Variants in RIPOR2 observed in about 807,000 individuals in gnomAD.
The protein encoded by RIPOR2 is RHO family interacting cell polarization regulator 2, also known as rho family-interacting cell polarization regulator 2.
In RIPOR2, 39 loss-of-function variants were observed where a neutral mutation model predicts 114.5. The observed-to-expected ratio is 0.34, with a 90% confidence interval of 0.26 to 0.44. The LOEUF (loss-of-function observed/expected upper bound fraction) is 0.44. Among genes scored for constraint, RIPOR2 ranks in the 20% least tolerant of loss-of-function variants. The pLI, the probability that RIPOR2 is intolerant of heterozygous loss-of-function variation, is 1.00. For synonymous variants in RIPOR2, 445 were observed against 484.4 expected (o/e 0.92, Z 1.07); for missense variants, 1,007 against 1,255.1 (o/e 0.80, Z 2.99).
chr6:25,015,001 A>G (rs1160171638), intron 1 of RIPOR2: 1 of 151,936 alleles, frequency 6.6e-6, no homozygotes, highest in Admixed American at 6.6e-5. Context: ...ATGCAGAGAC[A>G]GTTATGTGTC....
intron 7 of RIPOR2, among the ~76,000 whole-genome samples, chr6:24,864,366 C>T (rs141903996): frequency 6.6e-6 from 1 of 152,204 alleles, no homozygotes; most frequent in African/African-American, 2.4e-5. Flanking sequence ...AAAGGAGGAA[C>T]TTAGGTAAAG....
chr6:24,823,017 G>A (rs1164230031), intron 19 of RIPOR2, among the ~76,000 whole-genome samples: 1 of 152,176 alleles, frequency 6.6e-6, no homozygotes, highest in East Asian at 1.9e-4. Flanking sequence ...AATTAAAGAA[G>A]CAACCACATC....
intron 1 of RIPOR2, chr6:24,976,624 G>C: frequency 6.2e-7 from 1 of 1,609,352 alleles, no homozygotes; most frequent in Non-Finnish European, 8.5e-7. Flanking sequence ...GAAAGGATTT[G>C]GTTATAAGGG....
chr6:24,834,889 G>A (rs1760992988), intron 15 of RIPOR2, among the ~76,000 whole-genome samples: 1 of 152,178 alleles, frequency 6.6e-6, no homozygotes, highest in Non-Finnish European at 1.5e-5. Context: ...CTCCCAAAGT[G>A]CTGGGACTAT....
chr6:24,858,060 C>T lies in RIPOR2; in HGVS notation c.715+2913G>A, dbSNP rs182150809. On this transcript the variant is annotated intron_variant, in intron 8 of 21. Coordinates refer to ENST00000643898, the MANE Select transcript of RIPOR2 (RefSeq NM_001286445.3). The surrounding 1 kb of genome is among the most constrained non-coding windows in gnomAD (Gnocchi z 4.0). Reference sequence around the variant, plus strand: ...CTGGGATGCCTTCCTCTTTCCTGCTCCTCTCCCCAACTAGAGAGGTGAGTG... The same window carrying T: ...CTGGGATGCCTTCCTCTTTCCTGCTTCTCTCCCCAACTAGAGAGGTGAGTG... 7.7e-4 allele frequency among the ~76,000 whole-genome samples: 118 copies of T among 152,266 alleles called. No individual in the cohort carries two copies. In the Middle Eastern group the frequency reaches 0.014, roughly 18 times the overall value.
intron 1 of RIPOR2, chr6:25,023,384 T>C: frequency 1.3e-6 from 1 of 780,380 alleles, no homozygotes; most frequent in Admixed American, 1.7e-5. Flanking sequence ...CTCCTCGTTG[T>C]AGGGAGAGAG....
At chr6:25,010,104 T>C (rs1211383995) in intron 1 of RIPOR2, among the ~76,000 whole-genome samples, 1 of 152,222 alleles carries the variant, frequency 6.6e-6, no homozygotes, top group African/African-American at 2.4e-5. Flanking sequence ...TAATTCTTTT[T>C]AATGTTTGCT....
chr6:24,968,510 G>C (rs960459431), intron 1 of RIPOR2, among the ~76,000 whole-genome samples: 15 of 152,096 alleles, frequency 9.9e-5, no homozygotes, highest in African/African-American at 3.4e-4. Context: ...ACTAACCAGC[G>C]GTTCTTAGCT....
chr6:24,830,518 C>A lies in RIPOR2; in HGVS notation c.2497G>T (p.Ala833Ser). 1.3e-6 allele frequency: 2 copies of A among 1,550,412 alleles called. No individual in the cohort carries two copies. The highest frequency in any genetic ancestry group is 1.7e-6 in the Non-Finnish European group (2 of 1,146,754). Reference sequence around the variant, plus strand: ...TACTGCTGCCTCATACCTGGGTCTGCAAGTCCTGGATATTCTTTGTTGACA... The same window carrying A: ...TACTGCTGCCTCATACCTGGGTCTGAAAGTCCTGGATATTCTTTGTTGACA... ...RTVNKEYPGL[A>S]DPVFRTLVSQ... Residue 833 changes from alanine (A) to serine (S), a missense_variant, in exon 17 of 22, where the codon GCA (alanine) becomes TCA (serine). Ala to Ser is a moderately conservative substitution (Grantham distance 99). Coordinates refer to ENST00000643898, the MANE Select transcript of RIPOR2 (RefSeq NM_001286445.3).
chr6:24,911,619 A>T (rs1311159603), intron 1 of RIPOR2, among the ~76,000 whole-genome samples: 1 of 151,776 alleles, frequency 6.6e-6, no homozygotes, highest in East Asian at 1.9e-4. Flanking sequence ...GCAGAAAGAG[A>T]ATTGTTTTTT....
intron 1 of RIPOR2, among the ~76,000 whole-genome samples, chr6:24,895,612 C>A (rs1429021152): frequency 6.6e-6 from 1 of 152,142 alleles, no homozygotes; most frequent in East Asian, 1.9e-4. Context: ...AAAGGCATTA[C>A]AAATATTTAC....
At chr6:25,042,070 AAAG>A (rs1175704787), upstream of RIPOR2, 13 of 541,404 alleles carry the variant, frequency 2.4e-5, no homozygotes, top group African/African-American at 2.3e-4. Flanking sequence ...AAAAAAAAAA[AAAG>A]AGTATTTGAG....
chr6:24,932,973 C>T (rs1297754489), intron 1 of RIPOR2, among the ~76,000 whole-genome samples: 2 of 152,088 alleles, frequency 1.3e-5, no homozygotes, highest in Non-Finnish European at 2.9e-5. Context: ...AATGTGTAAT[C>T]AGTCCCCTTG....
intron 1 of RIPOR2, among the ~76,000 whole-genome samples, chr6:25,008,152 C>T (rs188328440): frequency 2.6e-5 from 4 of 152,254 alleles, no homozygotes; most frequent in Admixed American, 2.0e-4. Context: ...ACATGCTAGT[C>T]TCTAGAACTG....
chr6:24,971,897 T>C (rs373463616), intron 1 of RIPOR2, among the ~76,000 whole-genome samples: 1 of 68,142 alleles, frequency 1.5e-5, no homozygotes, highest in Non-Finnish European at 4.1e-5. Flanking sequence ...TCTTCAACTA[T>C]AAAATGAGGA....
chr6:24,997,507 C>A (rs973815226), intron 1 of RIPOR2, among the ~76,000 whole-genome samples: 1 of 152,180 alleles, frequency 6.6e-6, no homozygotes, highest in Admixed American at 6.5e-5. Flanking sequence ...GGTTTCCCAA[C>A]AGTGGTATTT....
rs376308425 is a variant in RIPOR2 at position 24,850,617 on chromosome 6, C to T, written c.865G>A (p.Val289Ile). ...TGTACCTTGATGGAGATGAACCCAA[C>T]TATCAGGGGCAGAAAAACTGTTTCT... Reference protein sequence around the residue: ...GEETVFLPLIVGFISIKVTEL... With the variant: ...GEETVFLPLIIGFISIKVTEL... Residue 289 changes from valine to isoleucine, a missense_variant, in exon 10 of 22, where the codon GTT becomes ATT. Transcript: ENST00000643898. 3 of 1,613,932 alleles carry T rather than the reference C, an allele frequency of 1.9e-6. No individual in the cohort carries two copies. The highest frequency in any genetic ancestry group is 2.2e-5 in the East Asian group (1 of 44,866).
At chr6:24,823,738 T>C (rs563450610) in intron 19 of RIPOR2, among the ~76,000 whole-genome samples, 13 of 152,322 alleles carry the variant, frequency 8.5e-5, no homozygotes, top group African/African-American at 2.9e-4. Context: ...AGGCTATGTC[T>C]TACCTGTTGT....
chr6:24,889,568 A>G (rs1004812518), intron 1 of RIPOR2, among the ~76,000 whole-genome samples: 1 of 152,160 alleles, frequency 6.6e-6, no homozygotes, highest in African/African-American at 2.4e-5. Flanking sequence ...AACCTCTTAC[A>G]TGGATCTGTG....
Sources: gnomAD v4.1 joint callset for allele counts (sites outside exome capture counted in the v4.1 genomes callset) on GRCh38, gnomAD v4.1.1 for gene constraint, Gnocchi (gnomAD v3.1) non-coding constraint, MANE v1.5 for transcripts, NCBI Gene and HGNC (gene_info 2026-07-23, HGNC 2026-07-21) for gene names.